Variants in RPAIN observed in about 807,000 individuals in gnomAD.
The protein encoded by RPAIN is RPA interacting protein.
A neutral mutation model predicts 30.5 loss-of-function variants in RPAIN; 29 were observed. The ratio of observed to expected loss-of-function variants is 0.95; its 90% CI spans 0.71 to 1.30. RPAIN has a LOEUF of 1.30. RPAIN is among the 50% of genes most tolerant of loss of function. The probability of loss-of-function intolerance (pLI) is 0.00; values close to 1 mark genes in which losing one functional copy is unlikely to be tolerated. For synonymous variants in RPAIN, 101 were observed against 93.5 expected, an observed-to-expected ratio of 1.08 and a Z score of -0.46; for missense variants, 247 against 264.7, an observed-to-expected ratio of 0.93 and a Z score of 0.46.
chr17:5,421,569 C>T lies in RPAIN; in HGVS notation c.252+103C>T, dbSNP rs577135651. The T allele has an allele frequency of 4.1e-4, 422 of 1,023,876 alleles. 3 individuals are homozygous for T. The South Asian group carries it at 6.8e-3, about 16-fold the overall frequency. The allele number at this position is 1,023,876 out of a possible 1,614,324, so 63.4% of individuals were successfully genotyped here. A position where few individuals can be genotyped will look rare whatever the true frequency, so the allele number is the denominator to read the frequency against. ...TTGAGTCCTCTAAACCCACCATTCCCCTAACCCCATTTAGAATTCAACAGC... is the reference window on the plus strand; with the variant it reads ...TTGAGTCCTCTAAACCCACCATTCCTCTAACCCCATTTAGAATTCAACAGC... On this transcript the variant is annotated intron_variant, in intron 2 of 6. Transcript: ENST00000381209.
chr17:5,428,104 TGTTTAGAG>T lies in RPAIN; in HGVS notation c.525_532del (p.Cys175TrpfsTer2). On this transcript the variant is annotated frameshift_variant, in exon 6 of 7. Transcript: ENST00000381209. LOFTEE classifies it high-confidence loss of function. ...GTTGACAGAGCAGAAGCTTCGTGCC[TGTTTAGAG>T]GGTAGTATAAATGAGCACAGTGCAC... 6.2e-7 allele frequency: 1 copy of T among 1,614,198 alleles called. No individual in the cohort carries two copies. Among genetic ancestry groups the T allele is most frequent in the Non-Finnish European group, 8.5e-7 (1 of 1,180,040 alleles).
rs891196201 is a variant in RPAIN, at chr17:5,428,459, C to T, written c.630+248C>T. ...CTGGGAGTTAGGACGCCTGGCTCCA[C>T]ACCTGCTCTTCTTTGATCAGTAGTA... On this transcript the variant is annotated intron_variant, in intron 6 of 6. Coordinates refer to ENST00000381209, the MANE Select transcript of RPAIN (RefSeq NM_001033002.4). 14 of 1,434,294 alleles carry T rather than the reference C, an allele frequency of 9.8e-6. No homozygotes were observed. In the Admixed American group the frequency reaches 2.0e-4, roughly 20 times the overall value. The allele number at this position is 1,434,294 out of a possible 1,614,324, so 88.8% of individuals were successfully genotyped here. A position where few individuals can be genotyped will look rare whatever the true frequency, so the allele number is the denominator to read the frequency against.
chr17:5,422,752 G>T lies in RPAIN; in HGVS notation c.253-17G>T. On this transcript the variant is annotated splice_polypyrimidine_tract_variant and intron_variant, in intron 2 of 6. Coordinates refer to ENST00000381209, the MANE Select transcript of RPAIN (RefSeq NM_001033002.4). The stretch of plus-strand genomic sequence containing the variant: ...ATTAATACTTCAAACTTCTGATGCC[G>T]CTCCTTTCTCTTCCAGCTGGAGGAG... 2 of 1,611,442 alleles carry T rather than the reference G, an allele frequency of 1.2e-6. No homozygotes were observed. The highest frequency in any genetic ancestry group is 1.7e-6 in the Non-Finnish European group (2 of 1,178,076).
At chr17:5,427,344 C>G (rs1215516532) in intron 5 of RPAIN, 1 of 152,226 alleles carries the variant, frequency 6.6e-6, no homozygotes, top group Non-Finnish European at 1.5e-5. Context: ...CCATGTTGGT[C>G]ACGCTGGTCT....
chr17:5,431,678 G>A (rs1915967153), intron 6 of RPAIN: 1 of 454,612 alleles, frequency 2.2e-6, no homozygotes, highest in South Asian at 1.6e-5. Flanking sequence ...ACAGATGGCT[G>A]AGGATGTGTT....
In RPAIN at chr17:5,432,714, C is replaced by T. The variant is rs946501271; in HGVS notation, c.*143C>T. 5 of 897,122 alleles carry T rather than the reference C, an allele frequency of 5.6e-6. No individual in the cohort carries two copies. The highest frequency in any genetic ancestry group is 8.5e-6 in the Non-Finnish European group (5 of 591,324). 55.6% of individuals were successfully genotyped at this position (897,122 alleles called of 1,614,324 possible). On this transcript the variant is annotated 3_prime_UTR_variant, in exon 7 of 7. Transcript: ENST00000381209. ...ACTGAAGAAAAAAAAACTTTTCCGA[C>T]ATCTGTTCTTGGTCTTTTGTGACGC... is the stretch of plus-strand genomic sequence containing the variant.
At chr17:5,420,344 G>GA in intron 1 of RPAIN, 53 bp downstream of exon 1, 1 of 1,501,276 alleles carries the variant, frequency 6.7e-7, no homozygotes, top group Non-Finnish European at 9.2e-7. Flanking sequence ...GGTGACCGCC[G>GA]TCTTCCCTGC....
chr17:5,429,877 GC>G, intron 6 of RPAIN: 1 of 740,836 alleles, frequency 1.3e-6, no homozygotes, highest in Non-Finnish European at 1.6e-6. Context: ...CAAGGAATTG[GC>G]CAGTCTCAGC....
intron 6 of RPAIN, chr17:5,428,560 G>C: frequency 8.1e-7 from 1 of 1,232,728 alleles, no homozygotes; most frequent in Non-Finnish European, 1.0e-6. Flanking sequence ...TTTGCGGAAG[G>C]AAACAGGGCA....
chr17:5,424,675 G>C (rs2151663512), intron 3 of RPAIN, among the ~76,000 whole-genome samples: 1 of 152,272 alleles, frequency 6.6e-6, no homozygotes, highest in South Asian at 2.1e-4. Context: ...CCGTGCCTCA[G>C]TTTCTTCACC....
rs1277760130 is a variant in RPAIN at position 5,432,605 on chromosome 17, G to A, written c.*34G>A. The A allele has an allele frequency of 6.2e-7, 1 of 1,600,606 alleles. No homozygotes were observed. Among genetic ancestry groups the A allele is most frequent in the African/African-American group, 1.3e-5 (1 of 74,740 alleles). ...TGGACTCACATCATTCTATGGGGTT[G>A]AAGACAACTCATTCCCTCTGAGGAG... is the stretch of plus-strand genomic sequence containing the variant. On this transcript the variant is annotated 3_prime_UTR_variant, in exon 7 of 7. Transcript: ENST00000381209.
Position 5,428,152 on chromosome 17 carries a change from C to T in RPAIN, c.571C>T (p.Pro191Ser), listed in dbSNP as rs1218311276. ...GCACAGTGCACATTGTCCCCACACA[C>T]CTGAATTTTCAGTCACTGGAGGAAC... ...NEHSAHCPHT[P>S]EFSVTGGTEE... Residue 191 changes from proline (P) to serine (S), a missense_variant, in exon 6 of 7, where the codon CCT becomes TCT. Physicochemically the swap from Pro to Ser is moderately conservative, Grantham distance 74. Transcript: ENST00000381209. 4 of 1,614,034 alleles carry T rather than the reference C, an allele frequency of 2.5e-6. No homozygotes were observed. Among genetic ancestry groups the T allele is most frequent in the Admixed American group, 3.3e-5 (2 of 59,998 alleles).
At chr17:5,424,618 C>T (rs1915205176) in intron 3 of RPAIN, among the ~76,000 whole-genome samples, 1 of 152,186 alleles carries the variant, frequency 6.6e-6, no homozygotes, top group Admixed American at 6.5e-5. Context: ...ATTCACTTGG[C>T]TTTACTACTT....
intron 5 of RPAIN, 91 bp from the exon 6 acceptor site, chr17:5,427,980 C>A (rs1915559983): frequency 7.8e-7 from 1 of 1,288,446 alleles, no homozygotes; most frequent in Non-Finnish European, 1.1e-6. Context: ...CACAGTGAGC[C>A]ACGGTTATAT....
chr17:5,420,316 T>A, intron 1 of RPAIN, 25 bp downstream of exon 1: 1 of 1,601,440 alleles, frequency 6.2e-7, no homozygotes, highest in Non-Finnish European at 8.5e-7. Flanking sequence ...TGTGCAGTGG[T>A]CTACCCTAGA....
intron 3 of RPAIN, among the ~76,000 whole-genome samples, chr17:5,424,860 C>T (rs2151663754): frequency 6.6e-6 from 1 of 152,342 alleles, no homozygotes; most frequent in Middle Eastern, 3.4e-3. Context: ...CCTTCCCCCA[C>T]CTACAAAACC....
chr17:5,424,990 T>G (rs536868654), intron 3 of RPAIN: 30 of 235,990 alleles, frequency 1.3e-4, no homozygotes, highest in Admixed American at 4.9e-4. Flanking sequence ...AGGAACATTC[T>G]AAAGCAGAAG....
intron 6 of RPAIN, chr17:5,431,702 G>A (rs1192803941): frequency 2.2e-6 from 1 of 452,202 alleles, no homozygotes; most frequent in East Asian, 7.0e-5. Context: ...AGATAGGGGT[G>A]GGTTACAGAA....
chr17:5,421,603 C>T (rs1464185500), intron 2 of RPAIN, 137 bp downstream of exon 2: 2 of 693,730 alleles, frequency 2.9e-6, no homozygotes, highest in East Asian at 2.9e-5. Flanking sequence ...GCCTTTAACC[C>T]AGGCTTTTCT....
Sources: allele counts gnomAD v4.1 joint callset (sites outside exome capture counted in the v4.1 genomes callset), GRCh38; gene constraint gnomAD v4.1.1; transcripts MANE v1.5; gene names NCBI Gene and HGNC (gene_info 2026-07-23, HGNC 2026-07-21).